Variants in WDR26 observed in about 807,000 individuals in gnomAD.
WDR26 encodes the protein WD repeat domain 26.
In WDR26, 5 loss-of-function variants were observed where a neutral mutation model predicts 84.1. The ratio of observed to expected loss-of-function variants is 0.06; its 90% CI spans 0.03 to 0.13. WDR26 has a LOEUF of 0.13. Among genes scored for constraint, WDR26 ranks in the 10% least tolerant of loss-of-function variants. The probability of loss-of-function intolerance (pLI) is 1.00; values close to 1 mark genes in which losing one functional copy is unlikely to be tolerated. For synonymous variants in WDR26, 415 were observed against 389.6 expected, an observed-to-expected ratio of 1.07 and a Z score of -0.77; for missense variants, 642 against 974.9, an observed-to-expected ratio of 0.66 and a Z score of 4.55.
intron 7 of WDR26, 77 bp from the exon 8 acceptor site, chr1:224,404,647 T>C: frequency 6.7e-7 from 1 of 1,488,722 alleles, no homozygotes; most frequent in South Asian, 1.3e-5. Flanking sequence ...CTTAAATAGC[T>C]ACAAAGATGT....
chr1:224,407,733 T>G (rs889323282), intron 7 of WDR26, among the ~76,000 whole-genome samples: 9 of 152,002 alleles, frequency 5.9e-5, no homozygotes, highest in African/African-American at 1.7e-4. Flanking sequence ...TGGCTTGAAC[T>G]TCTGACCTCA....
At position 224,389,940 on chromosome 1, in the gene WDR26, GAAAGTTTCA is replaced by G. The variant is rs1673078736; in HGVS notation, c.2261-89_2261-81del. 7.1e-6 allele frequency: 8 copies of G among 1,129,684 alleles called. 1 individual carries two copies. The South Asian group carries it at 1.2e-4, about 16-fold the overall frequency. The allele number at this position is 1,129,684 out of a possible 1,614,324, so 70.0% of individuals were successfully genotyped here. ...AAGGAGAGAAAAAAATTACCAGTTAGAAAGTTTCAAAATTAGCATTATGACATTACAAAA... is the reference window on the plus strand; with the variant it reads ...AAGGAGAGAAAAAAATTACCAGTTAGAAATTAGCATTATGACATTACAAAA... On this transcript the variant is annotated intron_variant, in intron 13 of 13. Transcript: ENST00000414423.
In WDR26 at chr1:224,389,695, A is replaced by G. The variant is rs16847945; in HGVS notation, c.*140T>C. On this transcript the variant is annotated 3_prime_UTR_variant, in exon 14 of 14. Coordinates refer to ENST00000414423, the MANE Select transcript of WDR26 (RefSeq NM_001379403.1). ...AGCAAGGTGTAAATGTTTGGCCCCAATCGGGCTTCAGAAATGGTTCTTTTT... is the reference window on the plus strand; with the variant it reads ...AGCAAGGTGTAAATGTTTGGCCCCAGTCGGGCTTCAGAAATGGTTCTTTTT... 66,694 of 868,958 alleles carry G rather than the reference A, an allele frequency of 0.077. 3,736 individuals carry two copies. The highest frequency in any genetic ancestry group is 0.22 in the Admixed American group (9,908 of 45,688). The allele number at this position is 868,958 out of a possible 1,614,324, so 53.8% of individuals were successfully genotyped here. A position where few individuals can be genotyped will look rare whatever the true frequency, so the allele number is the denominator to read the frequency against.
In WDR26 at chr1:224,387,333, C is replaced by G. The variant is rs983759886; in HGVS notation, c.*2502G>C. ...CTAGGCTTCTTTACCATTGATTTCACCTTTCGAGCACAGTCACTGCATGGC... is the reference window on the plus strand; with the variant it reads ...CTAGGCTTCTTTACCATTGATTTCAGCTTTCGAGCACAGTCACTGCATGGC... On this transcript the variant is annotated 3_prime_UTR_variant, in exon 14 of 14. Transcript: ENST00000414423. The G allele has an allele frequency of 6.6e-6, 1 of 152,556 alleles. No homozygotes were observed. Among genetic ancestry groups the G allele is most frequent in the Non-Finnish European group, 1.5e-5 (1 of 68,016 alleles). 9.5% of individuals were successfully genotyped at this position (152,556 alleles called of 1,614,324 possible).
chr1:224,427,688 T>G (rs987526430), intron 3 of WDR26, among the ~76,000 whole-genome samples: 2 of 152,182 alleles, frequency 1.3e-5, no homozygotes, highest in African/African-American at 4.8e-5. Flanking sequence ...CAGCTAGAGA[T>G]CTGTTTGAAA....
chr1:224,434,725 T>G lies in WDR26; in HGVS notation c.-320A>C. 7.1e-6 allele frequency: 7 copies of G among 982,206 alleles called. No individual in the cohort carries two copies. Among genetic ancestry groups the G allele is most frequent in the Non-Finnish European group, 8.5e-6 (7 of 827,210 alleles). 60.8% of individuals were successfully genotyped at this position (982,206 alleles called of 1,614,324 possible). On this transcript the variant is annotated 5_prime_UTR_variant, in exon 1 of 14. Transcript: ENST00000414423. ...GGCGGCGGGCGGCAGCGGAGGCAGC[T>G]GCCGCCTCTGTCCTCGGATCCGCTC...
At position 224,415,621 on chromosome 1, in the gene WDR26, C is replaced by T. The variant is rs184681418; in HGVS notation, c.1319+2639G>A. Reference sequence around the variant, plus strand: ...GACTACAGGCGTGTGCCGCCATGCCCGGCTATTTTTTTTGTATTTTTAGTA... The same window carrying T: ...GACTACAGGCGTGTGCCGCCATGCCTGGCTATTTTTTTTGTATTTTTAGTA... On this transcript the variant is annotated intron_variant, in intron 6 of 13. Transcript: ENST00000414423. 5.3e-5 allele frequency among the ~76,000 whole-genome samples: 8 copies of T among 152,116 alleles called. No individual in the cohort carries two copies. In the East Asian group the frequency reaches 1.2e-3, roughly 22 times the overall value.
At chr1:224,431,434 A>G in intron 3 of WDR26, 43 bp downstream of exon 3, 2 of 1,568,348 alleles carry the variant, frequency 1.3e-6, no homozygotes, top group African/African-American at 2.7e-5. Context: ...ATAACCTACT[A>G]AAATAAGCAT....
intron 1 of WDR26, 104 bp from the exon 2 acceptor site, chr1:224,431,885 C>T: frequency 1.1e-6 from 1 of 875,894 alleles, no homozygotes; most frequent in Non-Finnish European, 1.6e-6. Context: ...TTTAAGCTAG[C>T]CTCATGATGA....
At chr1:224,423,437 AG>A (rs769020688) in intron 4 of WDR26, among the ~76,000 whole-genome samples, 1 of 152,208 alleles carries the variant, frequency 6.6e-6, no homozygotes, top group Non-Finnish European at 1.5e-5. Flanking sequence ...TTTATCATGA[AG>A]GGGTGAATCC....
At chr1:224,413,387 C>G in intron 6 of WDR26, 1 of 1,001,332 alleles carries the variant, frequency 1.0e-6, no homozygotes, top group Non-Finnish European at 1.3e-6. Context: ...ATTTGGTACA[C>G]ATGGCAATCT....
At chr1:224,400,681 G>T (rs368689472) in intron 9 of WDR26, among the ~76,000 whole-genome samples, 9 of 152,098 alleles carry the variant, frequency 5.9e-5, no homozygotes, top group African/African-American at 1.9e-4. Context: ...GAGTAGCTGG[G>T]ATTACAGGCA....
At chr1:224,433,592 A>AG in intron 1 of WDR26, 92 bp downstream of exon 1, 17 of 993,742 alleles carry the variant, frequency 1.7e-5, no homozygotes, top group Non-Finnish European at 2.3e-5. Flanking sequence ...AGCTCTTTCA[A>AG]GCCCCCCTCC....
At chr1:224,398,803 CAT>C in intron 10 of WDR26, 84 bp downstream of exon 10, 2 of 1,545,776 alleles carry the variant, frequency 1.3e-6, no homozygotes, top group South Asian at 1.2e-5. Flanking sequence ...AAACGAAAAA[CAT>C]AAAAACTGTG....
intron 10 of WDR26, 108 bp from the exon 11 acceptor site, chr1:224,398,701 C>T (rs755723420): frequency 4.6e-5 from 55 of 1,206,494 alleles, no homozygotes; most frequent in Middle Eastern, 2.0e-4. Context: ...TGCCTGCAAT[C>T]ACTATTACAT....
intron 4 of WDR26, among the ~76,000 whole-genome samples, chr1:224,419,884 C>CTGTTA (rs55917431): frequency 0.98 from 148,324 of 152,084 alleles, 72,437 homozygotes; most frequent in East Asian, 1. Flanking sequence ...TGTGCAGGTT[C>CTGTTA]TAGCACTCAA....
At chr1:224,417,463 G>C (rs908734785) in intron 6 of WDR26, among the ~76,000 whole-genome samples, 3 of 152,200 alleles carry the variant, frequency 2.0e-5, no homozygotes, top group Admixed American at 6.5e-5. Flanking sequence ...CCAGTGCTTT[G>C]GGAGGCCAAG....
intron 13 of WDR26, among the ~76,000 whole-genome samples, chr1:224,392,682 T>C (rs1386049205): frequency 2.0e-5 from 3 of 152,174 alleles, no homozygotes; most frequent in African/African-American, 4.8e-5. Context: ...AAATGAACAG[T>C]AGTTCTCAAA....
chr1:224,408,181 C>T (rs1673635064), intron 7 of WDR26, among the ~76,000 whole-genome samples: 1 of 152,230 alleles, frequency 6.6e-6, no homozygotes, highest in Admixed American at 6.5e-5. Context: ...ACTCTTCCCC[C>T]AAACCACCTA....
Sources: gnomAD v4.1 joint callset for allele counts (sites outside exome capture counted in the v4.1 genomes callset) on GRCh38, gnomAD v4.1.1 for gene constraint, MANE v1.5 for transcripts, NCBI Gene and HGNC (gene_info 2026-07-23, HGNC 2026-07-21) for gene names.